PDZK1: variants seen among roughly 807,000 people sequenced by gnomAD.
PDZK1 encodes PDZ domain containing 1.
In PDZK1, 23 loss-of-function variants were observed where a neutral mutation model predicts 38.1. The observed-to-expected ratio is 0.60, with a 90% CI of 0.43 to 0.85. The LOEUF (loss-of-function observed/expected upper bound fraction) is 0.85. PDZK1 is among the 40% of genes least tolerant of loss of function. PDZK1 has a pLI of 0.00. For synonymous variants in PDZK1, 98 were observed against 186.2 expected, an observed-to-expected ratio of 0.53 and a Z score of 3.86; for missense variants, 297 against 504.3, an observed-to-expected ratio of 0.59 and a Z score of 3.94.
intron 1 of PDZK1, among the ~76,000 whole-genome samples, chr1:145,695,316 G>A (rs1655565197): frequency 6.6e-6 from 1 of 152,120 alleles, no homozygotes; most frequent in Non-Finnish European, 1.5e-5. Flanking sequence ...CAGCTATTGA[G>A]GAGGCTGAGG....
At chr1:145,695,433 GGAGA>G (rs1177821600) in intron 1 of PDZK1, among the ~76,000 whole-genome samples, 1 of 150,490 alleles carries the variant, frequency 6.6e-6, no homozygotes, top group Non-Finnish European at 1.5e-5. Context: ...GAGAGAAAGA[GGAGA>G]GAGAGAGAGA....
downstream of PDZK1, chr1:145,670,979 T>G (rs1318945455): frequency 6.5e-6 from 1 of 154,326 alleles, no homozygotes; most frequent in Non-Finnish European, 1.4e-5. Context: ...TCAAGCATAC[T>G]CAAAAGGCAT....
rs1553698267 is a variant in PDZK1, at chr1:145,672,784, A to G, written c.1452T>C (p.Ser484=). The change falls in exon 8 of 9, where the codon TCT becomes TCC. Residue 484 remains serine (S), a synonymous_variant. Transcript: ENST00000417171. ...TTGACTCCACCACTATTCCTTCTTT[A>G]GAATCTGGAGGGGTGTCAAGTGGAT... is the stretch of plus-strand genomic sequence containing the variant. ...LADPLDTPPD[S]KEGIVVESNH... The G allele has an allele frequency of 6.2e-7, 1 of 1,611,848 alleles. No homozygotes were observed. Among genetic ancestry groups the G allele is most frequent in the East Asian group, 2.2e-5 (1 of 44,874 alleles).
At chr1:145,696,851 A>C (rs1655657924) in intron 1 of PDZK1, among the ~76,000 whole-genome samples, 1 of 152,168 alleles carries the variant, frequency 6.6e-6, no homozygotes, top group African/African-American at 2.4e-5. Context: ...TGTCAGTTTG[A>C]GGTAGGTTTC....
intron 1 of PDZK1, among the ~76,000 whole-genome samples, chr1:145,698,930 G>A (rs1553704613): frequency 6.7e-6 from 1 of 148,474 alleles, no homozygotes. Flanking sequence ...CAGAACGAGA[G>A]TCTGCCTCAA....
At chr1:145,677,910 T>TAAAAAAAAA (rs71077285) in intron 6 of PDZK1, among the ~76,000 whole-genome samples, 15 of 68,598 alleles carry the variant, frequency 2.2e-4, no homozygotes, top group East Asian at 1.5e-3. Flanking sequence ...GTGTTAAAAG[T>TAAAAAAAAA]AAAAAAAAAA....
intron 2 of PDZK1, 151 bp downstream of exon 2, chr1:145,687,661 G>A: frequency 1.5e-6 from 1 of 665,358 alleles, no homozygotes; most frequent in Non-Finnish European, 2.7e-6. Flanking sequence ...GACTTGATTG[G>A]CCAACACAAG....
At chr1:145,687,028 C>T (rs988045883) in intron 2 of PDZK1, among the ~76,000 whole-genome samples, 4 of 152,072 alleles carry the variant, frequency 2.6e-5, no homozygotes, top group African/African-American at 7.2e-5. Flanking sequence ...CCATTCCTCC[C>T]GTGTGCATGG....
At chr1:145,704,858 G>C (rs1302757698) in intron 1 of PDZK1, among the ~76,000 whole-genome samples, 2 of 152,186 alleles carry the variant, frequency 1.3e-5, no homozygotes, top group African/African-American at 4.8e-5. Flanking sequence ...GACTTCAGAT[G>C]CCCTGAGAGA....
At chr1:145,698,523 A>C (rs1553704527) in intron 1 of PDZK1, among the ~76,000 whole-genome samples, 1 of 152,202 alleles carries the variant, frequency 6.6e-6, no homozygotes, top group Admixed American at 6.5e-5. Flanking sequence ...TATATATATA[A>C]TAAACTTGCA....
chr1:145,688,119 A>G lies in PDZK1; in HGVS notation c.-2-96T>C, dbSNP rs782257726. 14 of 1,063,032 alleles carry G rather than the reference A, an allele frequency of 1.3e-5. 1 individual carries two copies. The highest frequency in any genetic ancestry group is 1.6e-5 in the Non-Finnish European group (11 of 694,560). 65.8% of individuals were successfully genotyped at this position (1,063,032 alleles called of 1,614,324 possible). A position where few individuals can be genotyped will look rare whatever the true frequency, so the allele number is the denominator to read the frequency against. On this transcript the variant is annotated intron_variant, in intron 1 of 8. Transcript: ENST00000417171. ...CATCTCCTATAATTCTGTTCTTCCA[A>G]TCACCAAATCTAGACTGCTTGGGTA...
chr1:145,687,692 T>C lies in PDZK1; in HGVS notation c.210+120A>G, dbSNP rs1360496199. 3 of 797,832 alleles carry C rather than the reference T, an allele frequency of 3.8e-6. No homozygotes were observed. In the African/African-American group the frequency reaches 5.0e-5, roughly 13 times the overall value. The allele number at this position is 797,832 out of a possible 1,614,324, so 49.4% of individuals were successfully genotyped here. A position where few individuals can be genotyped will look rare whatever the true frequency, so the allele number is the denominator to read the frequency against. On this transcript the variant is annotated intron_variant, in intron 2 of 8. Transcript: ENST00000417171. ...ACAAGGTACAGCAATAAAGGTGTCC[T>C]GCCTTGCCAGTGGCAGCCAGGAAAG...
rs1305088380 is a variant in PDZK1, at chr1:145,698,158, C to T, written c.-3+9159G>A. On this transcript the variant is annotated intron_variant, in intron 1 of 8. Transcript: ENST00000417171. Reference sequence around the variant, plus strand: ...ACTTGGAGAATATGGAGCAAAAGTACCACAGAAAAATAATCTCTAGGGTCA... The same window carrying T: ...ACTTGGAGAATATGGAGCAAAAGTATCACAGAAAAATAATCTCTAGGGTCA... Among the ~76,000 whole-genome samples, 8 of 151,970 alleles carry T rather than the reference C, an allele frequency of 5.3e-5. No homozygotes were observed. In the South Asian group the frequency reaches 1.7e-3, roughly 32 times the overall value.
rs138249368 is a variant in PDZK1, at chr1:145,700,821, C to T, written c.-3+6496G>A. Among the ~76,000 whole-genome samples the T allele has an allele frequency of 2.6e-4, 40 of 152,200 alleles. No homozygotes were observed. In the East Asian group the frequency reaches 6.4e-3, roughly 24 times the overall value. ...AATAGTAACTAGGAATCAATTATGCCGTCAGTATCACACCACGAAGACAAC... is the reference window on the plus strand; with the variant it reads ...AATAGTAACTAGGAATCAATTATGCTGTCAGTATCACACCACGAAGACAAC... On this transcript the variant is annotated intron_variant, in intron 1 of 8. Transcript: ENST00000417171.
intron 6 of PDZK1, among the ~76,000 whole-genome samples, chr1:145,675,757 C>T (rs1382330844): frequency 6.6e-6 from 1 of 152,004 alleles, no homozygotes; most frequent in Non-Finnish European, 1.5e-5. Flanking sequence ...TGGCTCATGC[C>T]TGAAATCCCA....
chr1:145,683,802 T>C (rs1372493253), intron 3 of PDZK1, among the ~76,000 whole-genome samples: 1 of 151,946 alleles, frequency 6.6e-6, no homozygotes, highest in African/African-American at 2.4e-5. Flanking sequence ...TTTCTTTCCT[T>C]ATTAAATCGA....
intron 1 of PDZK1, among the ~76,000 whole-genome samples, chr1:145,697,949 G>A (rs773600578): frequency 4.0e-5 from 6 of 151,658 alleles, no homozygotes; most frequent in Non-Finnish European, 7.4e-5. Context: ...TTAAGGAAAC[G>A]ATCAGCATGT....
intron 1 of PDZK1, among the ~76,000 whole-genome samples, chr1:145,703,166 G>A (rs1553705232): frequency 6.6e-6 from 1 of 152,132 alleles, no homozygotes; most frequent in Non-Finnish European, 1.5e-5. Flanking sequence ...ACAGTCTGAA[G>A]GTATCATTTC....
intron 3 of PDZK1, among the ~76,000 whole-genome samples, chr1:145,685,846 G>A (rs1440357873): frequency 3.9e-5 from 6 of 152,166 alleles, no homozygotes; most frequent in Non-Finnish European, 5.9e-5. Flanking sequence ...CTGATGGTCA[G>A]GGTTTCTCAA....
Sources: gnomAD v4.1 joint callset for allele counts (sites outside exome capture counted in the v4.1 genomes callset) on GRCh38, gnomAD v4.1.1 for gene constraint, MANE v1.5 for transcripts, NCBI Gene and HGNC (gene_info 2026-07-23, HGNC 2026-07-21) for gene names.